The following IDH2 variants were observed in gnomAD, a reference collection of about 807,000 sequenced individuals.
IDH2 encodes isocitrate dehydrogenase (NADP(+)) 2.
A neutral mutation model predicts 50.5 loss-of-function variants in IDH2; 18 were observed. The observed-to-expected ratio is 0.36, with a 90% CI of 0.25 to 0.53. The LOEUF (loss-of-function observed/expected upper bound fraction) is 0.53. Among genes scored for constraint, IDH2 ranks in the 20% least tolerant of loss-of-function variants. The probability of loss-of-function intolerance (pLI) is 0.92; values close to 1 mark genes in which losing one functional copy is unlikely to be tolerated. For missense variants in IDH2, 518 were observed against 610.7 expected (o/e 0.85, Z 1.60); for synonymous variants, 280 against 239.8 (o/e 1.17, Z -1.55).
chr15:90,091,423 A>G, intron 2 of IDH2, 130 bp downstream of exon 2: 1 of 753,152 alleles, frequency 1.3e-6, no homozygotes, highest in Non-Finnish European at 2.4e-6. Flanking sequence ...GAGGGAGAGA[A>G]ACAGAGCTGC....
At chr15:90,088,200 G>A (rs1161332776) in intron 5 of IDH2, among the ~76,000 whole-genome samples, 159 bp downstream of exon 5, 2 of 152,012 alleles carry the variant, frequency 1.3e-5, no homozygotes, top group Non-Finnish European at 2.9e-5. Context: ...CCAAAATGCC[G>A]GGATTACAAG....
chr15:90,097,852 C>T (rs1229770943), intron 1 of IDH2, among the ~76,000 whole-genome samples: 1 of 151,918 alleles, frequency 6.6e-6, no homozygotes, highest in Admixed American at 6.6e-5. Flanking sequence ...AAAATTTAAA[C>T]CAGTCAAAAA....
chr15:90,092,964 G>A (rs1427481621), intron 1 of IDH2, among the ~76,000 whole-genome samples: 1 of 152,168 alleles, frequency 6.6e-6, no homozygotes, highest in Non-Finnish European at 1.5e-5. Context: ...CTTTAATCTG[G>A]CTAGGTAGAA....
chr15:90,083,883 C>A lies in IDH2; in HGVS notation c.*383G>T, dbSNP rs1267269200. 1 of 371,712 alleles carries A rather than the reference C, an allele frequency of 2.7e-6. No individual in the cohort carries two copies. Among genetic ancestry groups the A allele is most frequent in the African/African-American group, 2.0e-5 (1 of 49,014 alleles). 23.0% of individuals were successfully genotyped at this position (371,712 alleles called of 1,614,324 possible). On this transcript the variant is annotated 3_prime_UTR_variant, in exon 11 of 11. Coordinates refer to ENST00000330062, the MANE Select transcript of IDH2 (RefSeq NM_002168.4). Reference sequence around the variant, plus strand: ...GCCGTGGCAGCCCCTTCCTGAGGTGCTCTGGTCTGCCCCAGGGGAACCTGC... The same window carrying A: ...GCCGTGGCAGCCCCTTCCTGAGGTGATCTGGTCTGCCCCAGGGGAACCTGC...
chr15:90,100,662 C>CG lies in IDH2; in HGVS notation c.115+1613dup. On this transcript the variant is annotated intron_variant, in intron 1 of 10. Coordinates refer to ENST00000330062, the MANE Select transcript of IDH2 (RefSeq NM_002168.4). The surrounding 1 kb of genome is among the most constrained non-coding windows in gnomAD (Gnocchi z 4.1). Reference sequence around the variant, plus strand: ...CAGGAATTACCAGGCAGCAAAGACACGGGGCTCTTTTAGCCCCAAAATATT... The same window carrying CG: ...CAGGAATTACCAGGCAGCAAAGACACGGGGGCTCTTTTAGCCCCAAAATATT... 1.0e-6 allele frequency: 1 copy of CG among 985,280 alleles called. No individual in the cohort carries two copies. The allele number at this position is 985,280 out of a possible 1,614,324, so 61.0% of individuals were successfully genotyped here.
Position 90,084,471 on chromosome 15 carries a change from C to A in IDH2, c.1272-118G>T. On this transcript the variant is annotated intron_variant, in intron 10 of 10. Transcript: ENST00000330062. The surrounding 1 kb of genome is among the most constrained non-coding windows in gnomAD (Gnocchi z 5.0). ...ATCAGAACAGCCATCTCCTGCCACC[C>A]AGACTACAGGCCAGAGGCCAGCTAT... 1 of 926,592 alleles carries A rather than the reference C, an allele frequency of 1.1e-6. No homozygotes were observed. Among genetic ancestry groups the A allele is most frequent in the Non-Finnish European group, 1.7e-6 (1 of 587,022 alleles). The allele number at this position is 926,592 out of a possible 1,614,324, so 57.4% of individuals were successfully genotyped here. A position where few individuals can be genotyped will look rare whatever the true frequency, so the allele number is the denominator to read the frequency against.
In IDH2 at chr15:90,098,186, T is replaced by G. The variant is rs545220806; in HGVS notation, c.115+4090A>C. ...ATGCATTGCACAAACACTGTCCTCT[T>G]GGCGAGAGTGCAGGATGGAATTACA... On this transcript the variant is annotated intron_variant, in intron 1 of 10. Coordinates refer to ENST00000330062, the MANE Select transcript of IDH2 (RefSeq NM_002168.4). The surrounding 1 kb of genome is among the most constrained non-coding windows in gnomAD (Gnocchi z 5.1). Among the ~76,000 whole-genome samples, 175 of 152,294 alleles carry G rather than the reference T, an allele frequency of 1.1e-3. 1 individual carries two copies. In the South Asian group the frequency reaches 0.035, roughly 30 times the overall value.
rs1453808897 is a variant in IDH2, at chr15:90,098,995, G to C, written c.115+3281C>G. Among the ~76,000 whole-genome samples, 1 of 151,868 alleles carries C rather than the reference G, an allele frequency of 6.6e-6. No individual in the cohort carries two copies. The highest frequency in any genetic ancestry group is 1.5e-5 in the Non-Finnish European group (1 of 67,976). On this transcript the variant is annotated intron_variant, in intron 1 of 10. Coordinates refer to ENST00000330062, the MANE Select transcript of IDH2 (RefSeq NM_002168.4). The surrounding 1 kb of genome is among the most constrained non-coding windows in gnomAD (Gnocchi z 5.1). ...CGTATCTAGATTTTTATGTAAAATC[G>C]CCTGAATTGGAACCTTTCCCCACTA...
chr15:90,101,939 C>G (rs1034549946), intron 1 of IDH2, among the ~76,000 whole-genome samples: 7 of 151,796 alleles, frequency 4.6e-5, no homozygotes, highest in Non-Finnish European at 7.4e-5. Flanking sequence ...GGGCGCAGGG[C>G]GGGCAGGCCA....
At chr15:90,096,619 A>G (rs1382120409) in intron 1 of IDH2, among the ~76,000 whole-genome samples, 1 of 152,208 alleles carries the variant, frequency 6.6e-6, no homozygotes, top group African/African-American at 2.4e-5. Context: ...CTTAGCTAAA[A>G]GGAAAAGAAT....
chr15:90,099,183 A>G (rs903022032), intron 1 of IDH2, among the ~76,000 whole-genome samples: 11 of 152,106 alleles, frequency 7.2e-5, no homozygotes, highest in African/African-American at 2.4e-4. Context: ...AAAACCCTGC[A>G]AAGTAAAAGC....
chr15:90,100,937 TC>T lies in IDH2; in HGVS notation c.115+1338del, dbSNP rs1901313783. On this transcript the variant is annotated intron_variant, in intron 1 of 10. Transcript: ENST00000330062. The surrounding 1 kb of genome is among the most constrained non-coding windows in gnomAD (Gnocchi z 4.1). ...GTGTGTGTTTTTCGGGTTGTTTGTTTCTTTTTTTTTTTTTTACCATCAAGGC... is the reference window on the plus strand; with the variant it reads ...GTGTGTGTTTTTCGGGTTGTTTGTTTTTTTTTTTTTTTTTACCATCAAGGC... Among the ~76,000 whole-genome samples, 1 of 70,158 alleles carries T rather than the reference TC, an allele frequency of 1.4e-5. No individual in the cohort carries two copies. The highest frequency in any genetic ancestry group is 5.1e-5 in the African/African-American group (1 of 19,690). 46.0% of individuals were successfully genotyped at this position (70,158 alleles called of 152,430 possible).
At position 90,088,584 on chromosome 15, in the gene IDH2, T is replaced by G. The variant is rs576720419; in HGVS notation, c.534+3A>C. On this transcript the variant is annotated splice_donor_region_variant and intron_variant, in intron 4 of 10. Transcript: ENST00000330062. ...AGTGGATCCCCTCTCCACCCTGGCCTACCTGGTCGCCATGGGCGTGCCTGC... is the reference window on the plus strand; with the variant it reads ...AGTGGATCCCCTCTCCACCCTGGCCGACCTGGTCGCCATGGGCGTGCCTGC... 15 of 1,614,118 alleles carry G rather than the reference T, an allele frequency of 9.3e-6. No individual in the cohort carries two copies. Among genetic ancestry groups the G allele is most frequent in the Non-Finnish European group, 1.3e-5 (15 of 1,180,042 alleles).
In IDH2 at chr15:90,084,858, G is replaced by A; in HGVS notation, c.1229C>T (p.Ala410Val). The A allele has an allele frequency of 6.2e-7, 1 of 1,614,008 alleles. No individual in the cohort carries two copies. The highest frequency in any genetic ancestry group is 1.1e-5 in the South Asian group (1 of 91,074). Reference sequence around the variant, plus strand: ...GCAGCCCGCCAGGTCCTTGGTCATGGCTCCACTCTCCACCGTCTCCACGCA... The same window carrying A: ...GCAGCCCGCCAGGTCCTTGGTCATGACTCCACTCTCCACCGTCTCCACGCA... ...KVCVETVESG[A>V]MTKDLAGCIH... The change falls in exon 10 of 11, where the codon GCC (alanine) becomes GTC (valine). Residue 410 changes from alanine (A) to valine (V), a missense_variant. Around this residue, in one of 5 missense-constraint regions of IDH2, gnomAD observed 135 missense variants for 167.6 expected, o/e 0.81. Coordinates refer to ENST00000330062, the MANE Select transcript of IDH2 (RefSeq NM_002168.4). This position sits in a 1 kb window ranked among gnomAD's most constrained non-coding sequence, Gnocchi z 5.0.
chr15:90,087,845 A>G (rs1900909430), intron 5 of IDH2, among the ~76,000 whole-genome samples: 2 of 134,182 alleles, frequency 1.5e-5, no homozygotes, highest in African/African-American at 7.0e-5. Context: ...TTTTTTGGAA[A>G]GCACCGCCTT....
chr15:90,096,113 A>G lies in IDH2; in HGVS notation c.116-4469T>C, dbSNP rs918799644. Among the ~76,000 whole-genome samples, 5 of 152,142 alleles carry G rather than the reference A, an allele frequency of 3.3e-5. No homozygotes were observed. The East Asian group carries it at 7.7e-4, about 23-fold the overall frequency. ...GGAGTTCGAGACCAGCCTGGCCACA[A>G]TGGTGAAACTCTGTGTCTACTAAAA... On this transcript the variant is annotated intron_variant, in intron 1 of 10. Transcript: ENST00000330062.
At chr15:90,099,144 G>T (rs934816246) in intron 1 of IDH2, among the ~76,000 whole-genome samples, 9 of 152,060 alleles carry the variant, frequency 5.9e-5, no homozygotes, top group African/African-American at 2.2e-4. Context: ...CTCCCGATAA[G>T]ATGGAAATCA....
Position 90,088,482 on chromosome 15 carries a change from C to T in IDH2, c.555G>A (p.Val185=). The change falls in exon 5 of 11, where the codon GTG becomes GTA. Residue 185 remains valine, a synonymous_variant. Transcript: ENST00000330062. ...HGDQYKATDF[V]ADRAGTFKMV... ...TTTTGAAAGTGCCGGCCCGGTCTGC[C>T]ACAAAGTCTGTGGCCTTGTACTGCA... 6.2e-7 allele frequency: 1 copy of T among 1,614,220 alleles called. No individual in the cohort carries two copies. Among genetic ancestry groups the T allele is most frequent in the South Asian group, 1.1e-5 (1 of 91,088 alleles).
At position 90,089,940 on chromosome 15, in the gene IDH2, G is replaced by A. The variant is rs1900988378; in HGVS notation, c.373+539C>T. On this transcript the variant is annotated intron_variant, in intron 3 of 10. Transcript: ENST00000330062. ...GAGGGCAACAGCAATGTTCCCCAGA[G>A]GCTGCTGAGGCTCTGAAGGACACAG... Among the ~76,000 whole-genome samples, 3 of 152,180 alleles carry A rather than the reference G, an allele frequency of 2.0e-5. No individual in the cohort carries two copies. The South Asian group carries it at 6.2e-4, about 32-fold the overall frequency.
Sources: allele counts gnomAD v4.1 joint callset (sites outside exome capture counted in the v4.1 genomes callset), GRCh38; gene constraint gnomAD v4.1.1; regional missense constraint gnomAD v4.1.1; non-coding constraint Gnocchi (gnomAD v3.1); transcripts MANE v1.5; gene names NCBI Gene and HGNC (gene_info 2026-07-23, HGNC 2026-07-21).